Variants in MCUB observed in about 807,000 individuals in gnomAD.
MCUB encodes the protein mitochondrial calcium uniporter dominant negative subunit beta.
A neutral mutation model predicts 41.4 loss-of-function variants in MCUB; 46 were observed. The observed-to-expected ratio is 1.11, with a 90% CI of 0.88 to 1.42. The LOEUF (loss-of-function observed/expected upper bound fraction) is 1.42. Ranked by LOEUF, MCUB falls within the 40% of genes most tolerant of loss-of-function variation. MCUB has a pLI of 0.00. For missense variants in MCUB, 403 were observed against 404.9 expected, an observed-to-expected ratio of 1.00 and a Z score of 0.04; for synonymous variants, 148 against 148.2, an observed-to-expected ratio of 1.00 and a Z score of 0.01.
At chr4:109,679,889 C>A (rs1343844330) in intron 4 of MCUB, among the ~76,000 whole-genome samples, 1 of 152,086 alleles carries the variant, frequency 6.6e-6, no homozygotes, top group Non-Finnish European at 1.5e-5. Flanking sequence ...GCAACCTCTG[C>A]CTTCTGGGTT....
chr4:109,587,571 G>A lies in MCUB; in HGVS notation c.99+27135G>A, dbSNP rs564813320. 7.9e-5 allele frequency among the ~76,000 whole-genome samples: 12 copies of A among 152,190 alleles called. No homozygotes were observed. In the East Asian group the frequency reaches 2.1e-3, roughly 27 times the overall value. On this transcript the variant is annotated intron_variant, in intron 1 of 7. Transcript: ENST00000394650. ...ACGCTGGGAGCTGCAGACTGGAGCT[G>A]TTCCTATTCGTCCATCTTGGAACGG...
intron 1 of MCUB, among the ~76,000 whole-genome samples, chr4:109,600,866 C>G (rs575131795): frequency 2.0e-5 from 3 of 152,128 alleles, no homozygotes; most frequent in Non-Finnish European, 4.4e-5. Flanking sequence ...ATAATCTCAG[C>G]TCACTGCAAC....
chr4:109,582,526 A>G (rs1242337864), intron 1 of MCUB, among the ~76,000 whole-genome samples: 1 of 147,196 alleles, frequency 6.8e-6, no homozygotes, highest in Non-Finnish European at 1.5e-5. Context: ...AAAGTATAAT[A>G]ATAATAAAAT....
chr4:109,644,915 A>G (rs1318039571), intron 1 of MCUB, among the ~76,000 whole-genome samples: 1 of 152,146 alleles, frequency 6.6e-6, no homozygotes, highest in Non-Finnish European at 1.5e-5. Context: ...GCTTTTCTCA[A>G]CATAATCCCA....
intron 4 of MCUB, among the ~76,000 whole-genome samples, chr4:109,672,381 T>A (rs1448483505): frequency 6.6e-6 from 1 of 152,228 alleles, no homozygotes; most frequent in Non-Finnish European, 1.5e-5. Context: ...ATAAAACTCA[T>A]GAAAGTGTGG....
At chr4:109,620,989 C>T (rs375977981) in intron 1 of MCUB, among the ~76,000 whole-genome samples, 13 of 152,100 alleles carry the variant, frequency 8.5e-5, no homozygotes, top group Admixed American at 3.9e-4. Context: ...ACCTCTGCCT[C>T]CCAGGTTCAA....
intron 1 of MCUB, among the ~76,000 whole-genome samples, chr4:109,611,516 C>G (rs1728007210): frequency 6.6e-6 from 1 of 152,148 alleles, no homozygotes; most frequent in Admixed American, 6.5e-5. Flanking sequence ...CCAGATAAAT[C>G]TTATTTCCCC....
intron 1 of MCUB, among the ~76,000 whole-genome samples, chr4:109,628,839 C>T (rs762324993): frequency 6.6e-6 from 1 of 152,156 alleles, no homozygotes. Context: ...AGAGCCAGGA[C>T]GTCGATACAG....
chr4:109,685,265 A>C lies in MCUB; in HGVS notation c.831A>C (p.Ser277=). 3 of 1,421,994 alleles carry C rather than the reference A, an allele frequency of 2.1e-6. No homozygotes were observed. The highest frequency in any genetic ancestry group is 2.0e-6 in the Non-Finnish European group (2 of 1,007,790). The allele number at this position is 1,421,994 out of a possible 1,614,324, so 88.1% of individuals were successfully genotyped here. A position where few individuals can be genotyped will look rare whatever the true frequency, so the allele number is the denominator to read the frequency against. The change falls in exon 7 of 8, where the codon TCA becomes TCC. Residue 277 remains serine (S), a synonymous_variant. Transcript: ENST00000394650. ...TTTTTTTTAAGGATTATACTTACTC[A>C]GCTGTTAAGAGTAGGCAATTTCTTC... is the stretch of plus-strand genomic sequence containing the variant. ...FIVTRQDYTY[S]AVKSRQFLQF...
At chr4:109,619,030 G>GCCTGCCTGCCTA (rs1554017841) in intron 1 of MCUB, among the ~76,000 whole-genome samples, 2,744 of 118,732 alleles carry the variant, frequency 0.023, 40 homozygotes, top group Non-Finnish European at 0.035. Flanking sequence ...CTACCTGCCT[G>GCCTGCCTGCCTA]CCTACCTACC....
intron 4 of MCUB, chr4:109,673,992 C>T (rs1303049844): frequency 1.7e-5 from 17 of 1,001,090 alleles, no homozygotes; most frequent in Non-Finnish European, 9.6e-6. Context: ...AACTGAAGAG[C>T]AGGGGAAATA....
At chr4:109,611,925 C>T (rs1561227178) in intron 1 of MCUB, among the ~76,000 whole-genome samples, 1 of 152,196 alleles carries the variant, frequency 6.6e-6, no homozygotes, top group Non-Finnish European at 1.5e-5. Context: ...CATTTTGTAA[C>T]AGAATTTCTC....
At chr4:109,627,219 T>C (rs1283698772) in intron 1 of MCUB, among the ~76,000 whole-genome samples, 1 of 152,180 alleles carries the variant, frequency 6.6e-6, no homozygotes, top group Non-Finnish European at 1.5e-5. Flanking sequence ...TCTTCACTTT[T>C]TTTGTGACTG....
intron 4 of MCUB, 143 bp from the exon 5 acceptor site, chr4:109,682,439 C>T: frequency 3.1e-6 from 2 of 640,348 alleles, no homozygotes; most frequent in Non-Finnish European, 5.4e-6. Context: ...TATATTACAC[C>T]TTTGTTTACA....
intron 1 of MCUB, among the ~76,000 whole-genome samples, chr4:109,621,643 A>C (rs1436052143): frequency 6.6e-6 from 1 of 152,196 alleles, no homozygotes; most frequent in Admixed American, 6.5e-5. Context: ...AGAAGAAATA[A>C]AGCAAATTTT....
intron 1 of MCUB, among the ~76,000 whole-genome samples, chr4:109,641,645 T>C (rs1728718146): frequency 6.6e-6 from 1 of 152,194 alleles, no homozygotes; most frequent in African/African-American, 2.4e-5. Flanking sequence ...AGCCCTTCAA[T>C]TTGTACAAAA....
intron 1 of MCUB, among the ~76,000 whole-genome samples, chr4:109,580,905 C>A (rs1727156893): frequency 6.6e-6 from 1 of 152,286 alleles, no homozygotes; most frequent in South Asian, 2.1e-4. Flanking sequence ...TCCGAACATT[C>A]CATGCTCATG....
chr4:109,595,816 A>G (rs1224391615), intron 1 of MCUB, among the ~76,000 whole-genome samples: 1 of 152,270 alleles, frequency 6.6e-6, no homozygotes, highest in Non-Finnish European at 1.5e-5. Context: ...AAAATCACCA[A>G]TAATTGAGAT....
chr4:109,605,954 G>T (rs1727860064), intron 1 of MCUB, among the ~76,000 whole-genome samples: 1 of 125,558 alleles, frequency 8.0e-6, no homozygotes, highest in African/African-American at 2.7e-5. Context: ...CACTGGGCCT[G>T]GGTTTTTGTT....
Sources: allele counts gnomAD v4.1 joint callset (sites outside exome capture counted in the v4.1 genomes callset), GRCh38; gene constraint gnomAD v4.1.1; transcripts MANE v1.5; gene names NCBI Gene and HGNC (gene_info 2026-07-23, HGNC 2026-07-21).